Variants in ZFPM2 observed in about 807,000 individuals in gnomAD.
ZFPM2 encodes zinc finger protein ZFPM2.
A neutral mutation model predicts 98.6 loss-of-function variants in ZFPM2; 20 were observed. That is an observed-to-expected ratio of 0.20 (90% CI 0.14 to 0.29). The LOEUF is 0.29. ZFPM2 is among the 10% of genes least tolerant of loss of function. The probability of loss-of-function intolerance (pLI) is 1.00; values close to 1 mark genes in which losing one functional copy is unlikely to be tolerated. For synonymous variants in ZFPM2, 518 were observed against 502.7 expected, an observed-to-expected ratio of 1.03 and a Z score of -0.41; for missense variants, 1,310 against 1,388.6, an observed-to-expected ratio of 0.94 and a Z score of 0.90.
At chr8:105,763,269 A>G (rs1812776110) in intron 5 of ZFPM2, among the ~76,000 whole-genome samples, 2 of 151,868 alleles carry the variant, frequency 1.3e-5, no homozygotes. Flanking sequence ...TATTTATTCC[A>G]AAATTGCAGC....
rs1202944532 is a variant in ZFPM2 at position 105,803,586 on chromosome 8, T to C, written c.*48T>C. ...TTGGTATCAGTGTTTAGTATGTTGTTCTAACCAGTCCAGAAAAAAAAATAA... is the reference window on the plus strand; with the variant it reads ...TTGGTATCAGTGTTTAGTATGTTGTCCTAACCAGTCCAGAAAAAAAAATAA... On this transcript the variant is annotated 3_prime_UTR_variant, in exon 8 of 8. Coordinates refer to ENST00000407775, the MANE Select transcript of ZFPM2 (RefSeq NM_012082.4). 6 of 1,539,642 alleles carry C rather than the reference T, an allele frequency of 3.9e-6. No homozygotes were observed. Among genetic ancestry groups the C allele is most frequent in the Non-Finnish European group, 4.4e-6 (5 of 1,133,954 alleles).
intron 5 of ZFPM2, among the ~76,000 whole-genome samples, chr8:105,739,830 A>C (rs868623809): frequency 2.0e-5 from 3 of 152,048 alleles, no homozygotes; most frequent in Middle Eastern, 3.2e-3. Flanking sequence ...GTGAACAAAA[A>C]GTAGACAATT....
chr8:105,370,409 T>C (rs1810595676), intron 1 of ZFPM2, among the ~76,000 whole-genome samples: 1 of 152,202 alleles, frequency 6.6e-6, no homozygotes, highest in Admixed American at 6.5e-5. Flanking sequence ...AGCCTAGAAG[T>C]GTTTAGTTAA....
chr8:105,640,562 C>G lies in ZFPM2; in HGVS notation c.532+6205C>G, dbSNP rs564050660. 3.3e-5 allele frequency among the ~76,000 whole-genome samples: 5 copies of G among 152,112 alleles called. No homozygotes were observed. In the South Asian group the frequency reaches 1.0e-3, roughly 31 times the overall value. On this transcript the variant is annotated intron_variant, in intron 5 of 7. Coordinates refer to ENST00000407775, the MANE Select transcript of ZFPM2 (RefSeq NM_012082.4). ...TGTCCTTTATGTCCAAGGGCCTATT[C>G]TAGGCACCATTGAAATAATGACAGA...
At chr8:105,512,852 A>AT (rs1431979697) in intron 3 of ZFPM2, among the ~76,000 whole-genome samples, 1 of 152,084 alleles carries the variant, frequency 6.6e-6, no homozygotes, top group East Asian at 1.9e-4. Context: ...ATTACCTTAC[A>AT]TATCATGTGC....
At chr8:105,448,950 T>C (rs777851374) in intron 3 of ZFPM2, among the ~76,000 whole-genome samples, 1 of 152,018 alleles carries the variant, frequency 6.6e-6, no homozygotes, top group Non-Finnish European at 1.5e-5. Context: ...TCCCTGGCGA[T>C]CTTAAGAACC....
intron 1 of ZFPM2, among the ~76,000 whole-genome samples, chr8:105,408,408 C>T (rs980196640): frequency 6.6e-6 from 1 of 151,730 alleles, no homozygotes; most frequent in South Asian, 2.1e-4. Flanking sequence ...AATAAAGTTC[C>T]GTGTTGATAT....
At chr8:105,436,890 C>G (rs969678092) in intron 2 of ZFPM2, among the ~76,000 whole-genome samples, 3 of 152,164 alleles carry the variant, frequency 2.0e-5, no homozygotes, top group African/African-American at 7.2e-5. Flanking sequence ...AGTATAGAAT[C>G]TGATCTTGAT....
chr8:105,747,147 A>G (rs536740379), intron 5 of ZFPM2, among the ~76,000 whole-genome samples: 1 of 152,102 alleles, frequency 6.6e-6, no homozygotes, highest in Non-Finnish European at 1.5e-5. Context: ...TCTTGTTATC[A>G]TCTTTATTTT....
intron 5 of ZFPM2, among the ~76,000 whole-genome samples, chr8:105,710,943 A>G (rs1811378138): frequency 6.6e-6 from 1 of 152,040 alleles, no homozygotes; most frequent in African/African-American, 2.4e-5. Context: ...TTATCTTTAC[A>G]TTGTGATGTT....
At chr8:105,489,558 G>C (rs1162043019) in intron 3 of ZFPM2, among the ~76,000 whole-genome samples, 1 of 149,386 alleles carries the variant, frequency 6.7e-6, no homozygotes, top group African/African-American at 2.5e-5. Flanking sequence ...CTGCCTCATG[G>C]GTTCATGGAA....
chr8:105,732,660 G>A (rs911261778), intron 5 of ZFPM2, among the ~76,000 whole-genome samples: 1 of 151,826 alleles, frequency 6.6e-6, no homozygotes, highest in Non-Finnish European at 1.5e-5. Context: ...TATTAATGGT[G>A]CATTGAAAAT....
intron 1 of ZFPM2, among the ~76,000 whole-genome samples, chr8:105,384,166 C>G (rs1474216864): frequency 6.6e-6 from 1 of 152,130 alleles, no homozygotes; most frequent in Admixed American, 6.5e-5. Context: ...CCTCCACATT[C>G]ATTGTCTTAG....
intron 3 of ZFPM2, among the ~76,000 whole-genome samples, chr8:105,446,486 C>T (rs116355944): frequency 6.6e-6 from 1 of 151,978 alleles, no homozygotes. Context: ...CTACCTTTTT[C>T]AGGAAGCTTT....
chr8:105,364,781 T>C (rs1035999270), intron 1 of ZFPM2, among the ~76,000 whole-genome samples: 2 of 152,132 alleles, frequency 1.3e-5, no homozygotes, highest in African/African-American at 4.8e-5. Flanking sequence ...AAATCTTTTA[T>C]GTTCACTTAG....
chr8:105,443,332 A>C (rs6988712), intron 2 of ZFPM2, among the ~76,000 whole-genome samples: 2,658 of 150,794 alleles, frequency 0.018, 262 homozygotes, highest in African/African-American at 0.062. Context: ...AAAACAAAAA[A>C]AAAAAAACTT....
chr8:105,560,218 A>G (rs562553518), intron 3 of ZFPM2, among the ~76,000 whole-genome samples: 1 of 151,408 alleles, frequency 6.6e-6, no homozygotes, highest in Non-Finnish European at 1.5e-5. Flanking sequence ...AATATATTCT[A>G]TTCTATTTTC....
In ZFPM2 at chr8:105,707,247, A is replaced by G. The variant is rs1173670702; in HGVS notation, c.532+72890A>G. Among the ~76,000 whole-genome samples the G allele has an allele frequency of 2.0e-5, 3 of 148,042 alleles. No homozygotes were observed. The Admixed American group carries it at 2.1e-4, about 10-fold the overall frequency. ...ACAGAGCAAGACTTTGTCTCAAAAA[A>G]AAAAAAAAGAAAAAGAAAAAAAAAG... On this transcript the variant is annotated intron_variant, in intron 5 of 7. Coordinates refer to ENST00000407775, the MANE Select transcript of ZFPM2 (RefSeq NM_012082.4).
At chr8:105,519,135 C>CCT (rs1228351606) in intron 3 of ZFPM2, among the ~76,000 whole-genome samples, 8 of 152,056 alleles carry the variant, frequency 5.3e-5, no homozygotes, top group African/African-American at 1.9e-4. Flanking sequence ...GTGAAAAATA[C>CCT]TGAGGTTAAA....
Sources: gnomAD v4.1 joint callset for allele counts (sites outside exome capture counted in the v4.1 genomes callset) on GRCh38, gnomAD v4.1.1 for gene constraint, MANE v1.5 for transcripts, NCBI Gene and HGNC (gene_info 2026-07-23, HGNC 2026-07-21) for gene names.